The following DCDC2 variants were observed in gnomAD, a reference collection of about 807,000 sequenced individuals.
DCDC2 encodes the protein doublecortin domain containing 2, also known as doublecortin domain-containing protein 2.
In DCDC2, 40 loss-of-function variants were observed where a neutral mutation model predicts 50.2. The observed-to-expected ratio is 0.80, with a 90% CI of 0.62 to 1.04. DCDC2 has a LOEUF of 1.04. Ranked by LOEUF, DCDC2 falls within the 50% of genes least tolerant of loss-of-function variation. The pLI, the probability that DCDC2 is intolerant of heterozygous loss-of-function variation, is 0.00. For synonymous variants in DCDC2, 234 were observed against 210.6 expected (o/e 1.11, Z -0.96); for missense variants, 570 against 581.9 (o/e 0.98, Z 0.21).
intron 2 of DCDC2, among the ~76,000 whole-genome samples, chr6:24,316,824 T>C (rs1039634417): frequency 1.3e-5 from 2 of 151,914 alleles, no homozygotes; most frequent in Non-Finnish European, 2.9e-5. Context: ...ACTTATGACA[T>C]CAGCTCAATA....
At chr6:24,375,846 A>G in the DCDC2 span, among the ~76,000 whole-genome samples, 1 of 97,722 alleles carries the variant, frequency 1.0e-5, no homozygotes, top group South Asian at 4.4e-4. Flanking sequence ...GAAAAGGGAG[A>G]GTAAGAGGAA....
At position 24,180,423 on chromosome 6, in the gene DCDC2, T is replaced by G. The variant is rs916760020; in HGVS notation, c.1024-1791A>C. ...CCTCAGCCCCCCGAGTAGCTGGGAC[T>G]ACAGGCGCCCGCCACCACGCCCGGC... On this transcript the variant is annotated intron_variant, in intron 8 of 9. Coordinates refer to ENST00000378454, the MANE Select transcript of DCDC2 (RefSeq NM_016356.5). Among the ~76,000 whole-genome samples the G allele has an allele frequency of 7.9e-5, 12 of 152,174 alleles. No homozygotes were observed. In the East Asian group the frequency reaches 2.3e-3, roughly 30 times the overall value.
the DCDC2 span, among the ~76,000 whole-genome samples, chr6:24,365,384 C>T: frequency 5.3e-5 from 8 of 152,066 alleles, no homozygotes; most frequent in African/African-American, 1.7e-4. Flanking sequence ...CTCTGCCTCT[C>T]GGGTTCAAGC....
At chr6:24,278,764 C>T (rs577898926) in intron 6 of DCDC2, among the ~76,000 whole-genome samples, 2 of 152,310 alleles carry the variant, frequency 1.3e-5, no homozygotes, top group South Asian at 2.1e-4. Flanking sequence ...CAAATACCTT[C>T]GTAACAAGTT....
chr6:24,177,307 T>C (rs1371578013), intron 9 of DCDC2, among the ~76,000 whole-genome samples: 2 of 152,210 alleles, frequency 1.3e-5, no homozygotes, highest in Non-Finnish European at 2.9e-5. Context: ...GAATAACTCA[T>C]ATAGTGGATT....
At chr6:24,262,841 C>T (rs904565277) in intron 7 of DCDC2, among the ~76,000 whole-genome samples, 6 of 152,230 alleles carry the variant, frequency 3.9e-5, no homozygotes, top group Admixed American at 3.9e-4. Flanking sequence ...GGTTCACCAA[C>T]TGCTGACTGA....
chr6:24,236,161 G>A (rs139512908), intron 7 of DCDC2, among the ~76,000 whole-genome samples: 1 of 152,188 alleles, frequency 6.6e-6, no homozygotes, highest in East Asian at 1.9e-4. Context: ...GAACAAACCT[G>A]AAGGTGTCAT....
At chr6:24,330,055 T>C (rs1759939855) in intron 2 of DCDC2, among the ~76,000 whole-genome samples, 1 of 152,186 alleles carries the variant, frequency 6.6e-6, no homozygotes. Context: ...AGTGAACCCA[T>C]TATCAGGGAC....
At chr6:24,313,141 T>C (rs938149672) in intron 2 of DCDC2, among the ~76,000 whole-genome samples, 4 of 152,232 alleles carry the variant, frequency 2.6e-5, no homozygotes, top group Non-Finnish European at 5.9e-5. Context: ...ATTCTGAATA[T>C]ATAATGTTAA....
At position 24,357,815 on chromosome 6, in the gene DCDC2, G is replaced by T. The variant is rs773192251; in HGVS notation, c.-65C>A. The stretch of plus-strand genomic sequence containing the variant: ...CGGGAGGCACCTCCGCTGTCCCAGC[G>T]GCCTCACCGCACCCAGGGCGCGGGA... On this transcript the variant is annotated 5_prime_UTR_variant, in exon 1 of 10. Coordinates refer to ENST00000378454, the MANE Select transcript of DCDC2 (RefSeq NM_016356.5). The T allele has an allele frequency of 5.6e-6, 9 of 1,606,258 alleles. No individual in the cohort carries two copies. The East Asian group carries it at 6.7e-5, about 12-fold the overall frequency.
chr6:24,196,259 CT>C (rs1404088612), intron 8 of DCDC2, among the ~76,000 whole-genome samples: 1 of 150,270 alleles, frequency 6.7e-6, no homozygotes, highest in African/African-American at 2.4e-5. Flanking sequence ...CCTCAGATCA[CT>C]TGTCTGCCTT....
intron 7 of DCDC2, among the ~76,000 whole-genome samples, chr6:24,241,316 C>A (rs899583902): frequency 6.6e-6 from 1 of 152,114 alleles, no homozygotes; most frequent in South Asian, 2.1e-4. Context: ...CTACATGGAG[C>A]CTCCAGGAGC....
Position 24,282,591 on chromosome 6 carries a change from T to G in DCDC2, c.760-4380A>C, listed in dbSNP as rs377590749. Among the ~76,000 whole-genome samples, 158 of 152,232 alleles carry G rather than the reference T, an allele frequency of 1.0e-3. 2 individuals are homozygous for G. In the South Asian group the frequency reaches 0.011, roughly 11 times the overall value. On this transcript the variant is annotated intron_variant, in intron 6 of 9. Coordinates refer to ENST00000378454, the MANE Select transcript of DCDC2 (RefSeq NM_016356.5). ...GTTCCCTAGGCTCTTTCCAACTAGA[T>G]CCAACCAACTCAGGTTTTTTTCATT...
At chr6:24,294,259 G>T (rs1763813953) in intron 4 of DCDC2, among the ~76,000 whole-genome samples, 1 of 152,112 alleles carries the variant, frequency 6.6e-6, no homozygotes, top group African/African-American at 2.4e-5. Context: ...CTTGGCTGAG[G>T]TGGGAGGATC....
chr6:24,185,666 G>C (rs1554143061), intron 8 of DCDC2, among the ~76,000 whole-genome samples: 1 of 148,596 alleles, frequency 6.7e-6, no homozygotes, highest in Non-Finnish European at 1.5e-5. Context: ...GGAACACCGG[G>C]TTTTACACCC....
intron 7 of DCDC2, among the ~76,000 whole-genome samples, chr6:24,237,271 C>G (rs1762465069): frequency 6.6e-6 from 1 of 152,084 alleles, no homozygotes; most frequent in Non-Finnish European, 1.5e-5. Flanking sequence ...GCGTACTATG[C>G]TTATTAGCTA....
At chr6:24,382,171 T>C in the DCDC2 span, among the ~76,000 whole-genome samples, 2 of 152,160 alleles carry the variant, frequency 1.3e-5, no homozygotes, top group African/African-American at 2.4e-5. Flanking sequence ...TAAATTATTT[T>C]TGTCACTCTC....
At chr6:24,236,049 T>C (rs1054829651) in intron 7 of DCDC2, among the ~76,000 whole-genome samples, 1 of 152,112 alleles carries the variant, frequency 6.6e-6, no homozygotes, top group Non-Finnish European at 1.5e-5. Flanking sequence ...CTCAATGCCA[T>C]TTCTGTCTGA....
At chr6:24,246,143 A>C (rs1762666268) in intron 7 of DCDC2, among the ~76,000 whole-genome samples, 2 of 152,126 alleles carry the variant, frequency 1.3e-5, no homozygotes, top group African/African-American at 2.4e-5. Flanking sequence ...TACATTTAAG[A>C]AAATCACCAA....
Sources: allele counts gnomAD v4.1 joint callset (sites outside exome capture counted in the v4.1 genomes callset), GRCh38; gene constraint gnomAD v4.1.1; transcripts MANE v1.5; gene names NCBI Gene and HGNC (gene_info 2026-07-23, HGNC 2026-07-21).